Variants in GRIK1 observed in about 807,000 individuals in gnomAD.
GRIK1 encodes the protein glutamate ionotropic receptor kainate type subunit 1.
GRIK1 carries 69 observed loss-of-function variants against 105.7 expected under a neutral mutation model. That is an observed-to-expected ratio of 0.65 (90% CI 0.54 to 0.80). The LOEUF is 0.80. GRIK1 is among the 30% of genes least tolerant of loss of function. GRIK1 has a pLI of 0.00. For missense variants in GRIK1, 1,109 were observed against 1,167.3 expected, an observed-to-expected ratio of 0.95 and a Z score of 0.73; for synonymous variants, 438 against 431.3, an observed-to-expected ratio of 1.02 and a Z score of -0.19.
At chr21:29,776,161 C>T (rs940179262) in intron 1 of GRIK1, among the ~76,000 whole-genome samples, 5 of 152,178 alleles carry the variant, frequency 3.3e-5, no homozygotes, top group African/African-American at 1.2e-4. Flanking sequence ...ATTCAATTAC[C>T]TCCCACGAGG....
chr21:29,849,924 C>G (rs909766537), intron 1 of GRIK1, among the ~76,000 whole-genome samples: 4 of 152,108 alleles, frequency 2.6e-5, no homozygotes, highest in Non-Finnish European at 4.4e-5. Context: ...ATGACTGAAC[C>G]CAACAGTGGA....
chr21:29,922,033 T>C (rs939242232), intron 1 of GRIK1, among the ~76,000 whole-genome samples: 13 of 152,162 alleles, frequency 8.5e-5, no homozygotes, highest in Non-Finnish European at 1.8e-4. Flanking sequence ...GGATTAGCAA[T>C]TATCCCAATC....
At chr21:29,653,871 A>G (rs1305151121) in intron 5 of GRIK1, among the ~76,000 whole-genome samples, 1 of 152,128 alleles carries the variant, frequency 6.6e-6, no homozygotes, top group African/African-American at 2.4e-5. Context: ...AATGATTTTG[A>G]CAACTGTCCC....
At chr21:29,662,182 G>A (rs181473666) in intron 4 of GRIK1, among the ~76,000 whole-genome samples, 2 of 152,192 alleles carry the variant, frequency 1.3e-5, no homozygotes, top group Non-Finnish European at 2.9e-5. Context: ...AATCATTGGG[G>A]TTTAGTTTAG....
chr21:29,908,994 A>T (rs921420740), intron 1 of GRIK1, among the ~76,000 whole-genome samples: 10 of 152,192 alleles, frequency 6.6e-5, no homozygotes, highest in African/African-American at 2.2e-4. Flanking sequence ...TTGAGTACTG[A>T]AAATCTTTGT....
chr21:29,721,271 GAT>G (rs2064314642), intron 1 of GRIK1, among the ~76,000 whole-genome samples: 1 of 152,166 alleles, frequency 6.6e-6, no homozygotes, highest in Non-Finnish European at 1.5e-5. Context: ...TCCGAGGATA[GAT>G]GGAAGGTTTT....
At chr21:29,862,161 A>AT (rs577650920) in intron 1 of GRIK1, among the ~76,000 whole-genome samples, 2 of 151,872 alleles carry the variant, frequency 1.3e-5, no homozygotes, top group South Asian at 2.1e-4. Flanking sequence ...TAATTGTCTT[A>AT]TTTTTTTGTG....
chr21:29,727,215 C>G (rs2064491463), intron 1 of GRIK1, among the ~76,000 whole-genome samples: 2 of 152,084 alleles, frequency 1.3e-5, no homozygotes, highest in South Asian at 2.1e-4. Context: ...CATGAGCTAC[C>G]GTGCTTGGCC....
intron 1 of GRIK1, among the ~76,000 whole-genome samples, chr21:29,815,211 G>A (rs1221488833): frequency 6.6e-6 from 1 of 152,114 alleles, no homozygotes; most frequent in Non-Finnish European, 1.5e-5. Flanking sequence ...TTCCACTGGA[G>A]GTAGTGCAGT....
intron 4 of GRIK1, among the ~76,000 whole-genome samples, chr21:29,665,372 TGAGAGAAACATAA>T (rs1461327916): frequency 6.6e-6 from 1 of 152,214 alleles, no homozygotes; most frequent in Non-Finnish European, 1.5e-5. Flanking sequence ...AATATCAGCC[TGAGAGAAACATAA>T]TTACGATGAG....
rs911151423 is a variant in GRIK1, at chr21:29,537,559, A to G, written c.2695-174T>C. 7.6e-6 allele frequency: 5 copies of G among 655,322 alleles called. No individual in the cohort carries two copies. The African/African-American group carries it at 9.1e-5, about 12-fold the overall frequency. The allele number at this position is 655,322 out of a possible 1,614,324, so 40.6% of individuals were successfully genotyped here. A position where few individuals can be genotyped will look rare whatever the true frequency, so the allele number is the denominator to read the frequency against. On this transcript the variant is annotated intron_variant, in intron 17 of 17. Transcript: ENST00000327783. ...ACCCGCTGGCCACCCACCTTTTCTA[A>G]TCGGGGAAACTGAGATGGCAAGTTA...
chr21:29,761,753 C>CTTTT (rs57193884), intron 1 of GRIK1, among the ~76,000 whole-genome samples: 4 of 138,560 alleles, frequency 2.9e-5, no homozygotes, highest in Middle Eastern at 3.4e-3. Flanking sequence ...TTCTTTCGTT[C>CTTTT]TTTTTTTTTT....
chr21:29,735,624 C>T (rs192799624), intron 1 of GRIK1, among the ~76,000 whole-genome samples: 8 of 152,050 alleles, frequency 5.3e-5, no homozygotes, highest in Admixed American at 1.3e-4. Flanking sequence ...CGGCTGGGCA[C>T]GGTTGCTCAG....
At chr21:29,827,630 T>G (rs144830921) in intron 1 of GRIK1, among the ~76,000 whole-genome samples, 1 of 152,078 alleles carries the variant, frequency 6.6e-6, no homozygotes, top group African/African-American at 2.4e-5. Context: ...AAGACTTTAA[T>G]GGATCTACCA....
intron 1 of GRIK1, among the ~76,000 whole-genome samples, chr21:29,709,049 G>A (rs913728676): frequency 2.0e-5 from 3 of 151,916 alleles, no homozygotes; most frequent in African/African-American, 7.3e-5. Context: ...TATACCACAT[G>A]CTGTTTATAA....
chr21:29,728,523 G>A (rs1164076119), intron 1 of GRIK1, among the ~76,000 whole-genome samples: 1 of 152,178 alleles, frequency 6.6e-6, no homozygotes, highest in African/African-American at 2.4e-5. Flanking sequence ...ATGAGGATGT[G>A]AGAGTTAGCA....
At chr21:29,588,644 A>G (rs2061283363) in intron 11 of GRIK1, among the ~76,000 whole-genome samples, 195 bp downstream of exon 11, 1 of 152,180 alleles carries the variant, frequency 6.6e-6, no homozygotes, top group South Asian at 2.1e-4. Context: ...CTAATGCACC[A>G]TATATTTTTA....
intron 16 of GRIK1, among the ~76,000 whole-genome samples, chr21:29,541,407 G>A (rs79048183): frequency 0.037 from 5,618 of 152,160 alleles, 345 homozygotes; most frequent in African/African-American, 0.13. Context: ...TGTATAAAGT[G>A]AGACAATAGT....
intron 1 of GRIK1, among the ~76,000 whole-genome samples, chr21:29,903,190 C>A (rs1393727520): frequency 1.3e-5 from 2 of 152,108 alleles, no homozygotes; most frequent in East Asian, 3.9e-4. Flanking sequence ...TAGAAGAAAA[C>A]CTGGGCAGTA....
Sources: allele counts gnomAD v4.1 joint callset (sites outside exome capture counted in the v4.1 genomes callset), GRCh38; gene constraint gnomAD v4.1.1; transcripts MANE v1.5; gene names NCBI Gene and HGNC (gene_info 2026-07-23, HGNC 2026-07-21).